RIMKLB: variants seen among roughly 807,000 people sequenced by gnomAD.
RIMKLB encodes the protein ribosomal modification protein rimK like family member B.
Under a neutral mutation model 32.0 loss-of-function variants are expected in RIMKLB, and 7 were observed. The ratio of observed to expected loss-of-function variants is 0.22; its 90% confidence interval spans 0.12 to 0.41. The LOEUF (loss-of-function observed/expected upper bound fraction) is 0.41. Among genes scored for constraint, RIMKLB ranks in the 10% least tolerant of loss-of-function variants. The pLI, the probability that RIMKLB is intolerant of heterozygous loss-of-function variation, is 1.00. For synonymous variants in RIMKLB, 172 were observed against 185.1 expected (o/e 0.93, Z 0.57); for missense variants, 289 against 498.7 (o/e 0.58, Z 4.00).
intron 2 of RIMKLB, among the ~76,000 whole-genome samples, chr12:8,716,557 ATTT>A (rs773708083): frequency 1.0e-5 from 1 of 95,876 alleles, no homozygotes; most frequent in African/African-American, 3.7e-5. Flanking sequence ...TCATGGCTTC[ATTT>A]TTTTTTTTTT....
At chr12:8,696,261 CTCTTGG>C (rs1942886426), upstream of RIMKLB, among the ~76,000 whole-genome samples, 1 of 152,176 alleles carries the variant, frequency 6.6e-6, no homozygotes, top group African/African-American at 2.4e-5. Flanking sequence ...CAAAATGCTT[CTCTTGG>C]TCTTGGAGTT....
At chr12:8,686,317 C>T (rs770789908) in intron 1 of RIMKLB, among the ~76,000 whole-genome samples, 4 of 151,116 alleles carry the variant, frequency 2.6e-5, no homozygotes, top group Admixed American at 6.6e-5. Flanking sequence ...TTTTTGGAGA[C>T]GGAGTCTCAC....
Position 8,686,157 on chromosome 12 carries a change from C to G in RIMKLB, n.219+4339C>G, listed in dbSNP as rs750680694. On this transcript the variant is annotated intron_variant and non_coding_transcript_variant, in intron 1 of 1. Transcript: ENST00000538758. ...GGGTTTCACCATGTTGGCTAGGCTGCTCTCGAACTCCTGACCTCAGCTGAT... is the reference window on the plus strand; with the variant it reads ...GGGTTTCACCATGTTGGCTAGGCTGGTCTCGAACTCCTGACCTCAGCTGAT... Among the ~76,000 whole-genome samples the G allele has an allele frequency of 4.6e-5, 7 of 152,142 alleles. No individual in the cohort carries two copies. In the South Asian group the frequency reaches 1.5e-3, roughly 32 times the overall value.
chr12:8,745,272 A>AT (rs1370199849), intron 2 of RIMKLB, among the ~76,000 whole-genome samples: 1 of 150,460 alleles, frequency 6.6e-6, no homozygotes, highest in Non-Finnish European at 1.5e-5. Flanking sequence ...TTTTTAACTG[A>AT]TTTTTTTCCT....
Position 8,776,388 on chromosome 12 carries a change from A to T in RIMKLB, c.*2604A>T. 2.0e-6 allele frequency: 2 copies of T among 981,730 alleles called. No homozygotes were observed. Among genetic ancestry groups the T allele is most frequent in the Non-Finnish European group, 2.4e-6 (2 of 826,556 alleles). 60.8% of individuals were successfully genotyped at this position (981,730 alleles called of 1,614,324 possible). A position where few individuals can be genotyped will look rare whatever the true frequency, so the allele number is the denominator to read the frequency against. On this transcript the variant is annotated 3_prime_UTR_variant, in exon 6 of 6. Coordinates refer to ENST00000535829, the MANE Select transcript of RIMKLB (RefSeq NM_001297776.2). ...GAGCAAATCATTCTGGAAGTACCTT[A>T]AGGAAACAAACAGCAGCAGATATTT...
chr12:8,777,215 C>CTTATTTTT (rs1950777866), downstream of RIMKLB: 1 of 644,908 alleles, frequency 1.6e-6, no homozygotes, highest in East Asian at 2.1e-4. Context: ...TGCTTGCTTT[C>CTTATTTTT]TTTTTTTTTT....
At chr12:8,704,796 CA>C (rs1206438346) in intron 1 of RIMKLB, among the ~76,000 whole-genome samples, 1 of 151,936 alleles carries the variant, frequency 6.6e-6, no homozygotes, top group African/African-American at 2.4e-5. Context: ...CCAGCCTGGG[CA>C]ACATAGTGAG....
chr12:8,701,042 G>C (rs745507630), intron 1 of RIMKLB, among the ~76,000 whole-genome samples: 2 of 152,044 alleles, frequency 1.3e-5, no homozygotes, highest in Non-Finnish European at 2.9e-5. Context: ...CTCCAGCTTG[G>C]GCAACAGAGC....
intron 1 of RIMKLB, among the ~76,000 whole-genome samples, chr12:8,710,266 C>T (rs1944260688): frequency 6.6e-6 from 1 of 150,476 alleles, no homozygotes; most frequent in East Asian, 1.9e-4. Flanking sequence ...AATGAACTAC[C>T]GCTCCCCGCC....
At chr12:8,733,698 C>T (rs2137342170) in intron 2 of RIMKLB, among the ~76,000 whole-genome samples, 1 of 152,242 alleles carries the variant, frequency 6.6e-6, no homozygotes, top group East Asian at 1.9e-4. Context: ...CATAGCAAGA[C>T]CTTGTCACTA....
chr12:8,776,533 A>T lies in RIMKLB; in HGVS notation c.*2749A>T, dbSNP rs1246574991. On this transcript the variant is annotated 3_prime_UTR_variant, in exon 6 of 6. Transcript: ENST00000535829. ...AAAATCTGAATTGTAAAATTTTTGT[A>T]TATTGTTAAAATTGTAATTCTAAAT... The T allele has an allele frequency of 1.3e-6, 1 of 766,978 alleles. No individual in the cohort carries two copies. The highest frequency in any genetic ancestry group is 1.6e-6 in the Non-Finnish European group (1 of 631,172). 47.5% of individuals were successfully genotyped at this position (766,978 alleles called of 1,614,324 possible). A position where few individuals can be genotyped will look rare whatever the true frequency, so the allele number is the denominator to read the frequency against.
intron 2 of RIMKLB, among the ~76,000 whole-genome samples, chr12:8,715,684 G>C (rs1944767789): frequency 6.6e-6 from 1 of 152,074 alleles, no homozygotes; most frequent in African/African-American, 2.4e-5. Context: ...TTTTCATTAA[G>C]TATTATTTGA....
At chr12:8,758,459 A>G (rs1427567458) in intron 5 of RIMKLB, among the ~76,000 whole-genome samples, 1 of 152,128 alleles carries the variant, frequency 6.6e-6, no homozygotes, top group Non-Finnish European at 1.5e-5. Flanking sequence ...TCTGTCAGTT[A>G]TATGAATTGT....
At chr12:8,755,825 C>T (rs902847589) in intron 5 of RIMKLB, among the ~76,000 whole-genome samples, 4 of 151,662 alleles carry the variant, frequency 2.6e-5, no homozygotes, top group African/African-American at 4.8e-5. Flanking sequence ...CCTGGGCAAT[C>T]GAGGGAGAGA....
intron 5 of RIMKLB, among the ~76,000 whole-genome samples, chr12:8,758,578 T>G (rs1029281383): frequency 1.3e-5 from 2 of 152,230 alleles, no homozygotes; most frequent in Non-Finnish European, 2.9e-5. Flanking sequence ...TTCATCTATT[T>G]CTTTATATTC....
chr12:8,752,262 T>A (rs1948673127), intron 4 of RIMKLB, among the ~76,000 whole-genome samples: 1 of 152,176 alleles, frequency 6.6e-6, no homozygotes, highest in Admixed American at 6.5e-5. Context: ...CAAGTTAATG[T>A]CTGTATCTTC....
rs972277027 is a variant in RIMKLB, at chr12:8,686,350, A to G, written n.219+4532A>G. ...CACTCTGTCACCCAGGGTGGAGTGC[A>G]GTAGCCCGATCTCTGCAACCTTCGC... is the stretch of plus-strand genomic sequence containing the variant. On this transcript the variant is annotated intron_variant and non_coding_transcript_variant, in intron 1 of 1. Transcript: ENST00000538758. Among the ~76,000 whole-genome samples, 12 of 150,778 alleles carry G rather than the reference A, an allele frequency of 8.0e-5. 1 individual carries two copies. The highest frequency in any genetic ancestry group is 1.5e-5 in the Non-Finnish European group (1 of 67,892).
chr12:8,721,697 A>G (rs1392546182), intron 2 of RIMKLB, among the ~76,000 whole-genome samples: 2 of 152,178 alleles, frequency 1.3e-5, no homozygotes, highest in Admixed American at 1.3e-4. Flanking sequence ...CCACATTCCT[A>G]TCAATGGTGA....
chr12:8,773,286 AT>A (rs765378679), intron 5 of RIMKLB, 34 bp from the exon 6 acceptor site: 2 of 1,446,994 alleles, frequency 1.4e-6, no homozygotes, highest in Non-Finnish European at 1.9e-6. Context: ...AAAGTTTATG[AT>A]TTTGTTAATT....
Sources: gnomAD v4.1 joint callset for allele counts (sites outside exome capture counted in the v4.1 genomes callset) on GRCh38, gnomAD v4.1.1 for gene constraint, MANE v1.5 for transcripts, NCBI Gene and HGNC (gene_info 2026-07-23, HGNC 2026-07-21) for gene names.